CDH22: variants seen among roughly 807,000 people sequenced by gnomAD.
CDH22 encodes the protein cadherin 22.
A neutral mutation model predicts 58.4 loss-of-function variants in CDH22; 30 were observed. The ratio of observed to expected loss-of-function variants is 0.51; its 90% CI spans 0.38 to 0.70. The LOEUF (loss-of-function observed/expected upper bound fraction) is 0.70, where lower values mean the gene tolerates loss of function less well. Among genes scored for constraint, CDH22 ranks in the 30% least tolerant of loss-of-function variants. CDH22 has a pLI of 0.00. For missense variants in CDH22, 1,014 were observed against 1,233.9 expected (o/e 0.82, Z 2.67); for synonymous variants, 513 against 558.2 (o/e 0.92, Z 1.14).
intron 8 of CDH22, 90 bp downstream of exon 8, chr20:46,199,333 T>C: frequency 6.8e-7 from 1 of 1,462,440 alleles, no homozygotes; most frequent in Non-Finnish European, 9.2e-7. Flanking sequence ...AGGGCTGCCT[T>C]GGCCCTGCCC....
At chr20:46,228,180 C>G (rs897131429) in intron 3 of CDH22, among the ~76,000 whole-genome samples, 3 of 150,124 alleles carry the variant, frequency 2.0e-5, no homozygotes, top group Admixed American at 2.0e-4. Flanking sequence ...TGGTAGGGGA[C>G]AGCCCAGAGG....
At chr20:46,199,604 A>C (rs2085939810) in intron 7 of CDH22, 45 bp from the exon 8 acceptor site, 2 of 1,597,056 alleles carry the variant, frequency 1.3e-6, no homozygotes, top group Non-Finnish European at 1.7e-6. Flanking sequence ...CCCAGTGCCA[A>C]ATGGAGCCCA....
chr20:46,186,770 G>A, intron 9 of CDH22, 56 bp downstream of exon 9: 1 of 1,598,998 alleles, frequency 6.3e-7, no homozygotes. Flanking sequence ...TCGAGGTAGA[G>A]GATGCTGCTG....
At chr20:46,280,627 G>C (rs2086546598) in intron 1 of CDH22, among the ~76,000 whole-genome samples, 1 of 152,192 alleles carries the variant, frequency 6.6e-6, no homozygotes, top group South Asian at 2.1e-4. Flanking sequence ...CTCACTCACT[G>C]TTCCCTGGGA....
chr20:46,265,214 G>A (rs191069064), intron 1 of CDH22, among the ~76,000 whole-genome samples: 375 of 152,238 alleles, frequency 2.5e-3, no homozygotes, highest in Non-Finnish European at 3.3e-3. Flanking sequence ...TTACAAACGC[G>A]TCCGGATGGG....
rs1233578751 is a variant in CDH22, at chr20:46,223,665, C to CTTT, written c.670+3842_670+3843insAAA. Among the ~76,000 whole-genome samples, 473 of 118,858 alleles carry CTTT rather than the reference C, an allele frequency of 4.0e-3. 5 individuals carry two copies. Among genetic ancestry groups the CTTT allele is most frequent in the Admixed American group, 0.01 (120 of 11,476 alleles). 78.0% of individuals were successfully genotyped at this position (118,858 alleles called of 152,430 possible). On this transcript the variant is annotated intron_variant, in intron 4 of 11. Coordinates refer to ENST00000537909, the MANE Select transcript of CDH22 (RefSeq NM_021248.3). ...TCTTTCTTTCTCTTTCTTTTTCTTT[C>CTTT]CTTCTTTCTTTCTTTCTTTCTTTCT... is the stretch of plus-strand genomic sequence containing the variant.
intron 3 of CDH22, among the ~76,000 whole-genome samples, chr20:46,229,806 T>C (rs1283706720): frequency 6.6e-6 from 1 of 151,970 alleles, no homozygotes; most frequent in African/African-American, 2.4e-5. Flanking sequence ...TAGTGGCTGT[T>C]GTAATTGTTA....
rs540263086 is a variant in CDH22 at position 46,289,974 on chromosome 20, T to C, written c.-400+18281A>G. 2.0e-5 allele frequency among the ~76,000 whole-genome samples: 3 copies of C among 152,300 alleles called. No individual in the cohort carries two copies. In the East Asian group the frequency reaches 5.8e-4, roughly 29 times the overall value. ...TTTAGAACAGGCCAAGAGTTTAGGG[T>C]TAGGGTCTGAATTAAGGTTTGGAGT... is the stretch of plus-strand genomic sequence containing the variant. On this transcript the variant is annotated intron_variant, in intron 1 of 11. Coordinates refer to ENST00000537909, the MANE Select transcript of CDH22 (RefSeq NM_021248.3).
At chr20:46,204,825 T>C (rs529566100) in intron 7 of CDH22, among the ~76,000 whole-genome samples, 1 of 152,246 alleles carries the variant, frequency 6.6e-6, no homozygotes, top group South Asian at 2.1e-4. Flanking sequence ...GGGTGCTGCT[T>C]CCTGGCTGGG....
At chr20:46,291,000 G>A (rs183705337) in intron 1 of CDH22, among the ~76,000 whole-genome samples, 26 of 152,268 alleles carry the variant, frequency 1.7e-4, no homozygotes, top group African/African-American at 6.3e-4. Context: ...ACAGCTGGCT[G>A]GGCATGGTGG....
chr20:46,299,380 C>A (rs2086641494), intron 1 of CDH22, among the ~76,000 whole-genome samples: 1 of 152,250 alleles, frequency 6.6e-6, no homozygotes, highest in East Asian at 1.9e-4. Context: ...AAGCGCATCA[C>A]TTCCTCAAGA....
chr20:46,257,442 A>G (rs890798940), intron 1 of CDH22, among the ~76,000 whole-genome samples: 2 of 152,202 alleles, frequency 1.3e-5, no homozygotes, highest in Non-Finnish European at 2.9e-5. Context: ...GAGATGCTGA[A>G]AAGTGAGGCT....
intron 10 of CDH22, among the ~76,000 whole-genome samples, chr20:46,182,168 CTT>C (rs1408359285): frequency 6.6e-6 from 1 of 152,104 alleles, no homozygotes; most frequent in Non-Finnish European, 1.5e-5. Flanking sequence ...GATTGGTGGG[CTT>C]TAAGCAAAGA....
rs573486645 is a variant in CDH22, at chr20:46,287,813, C to G, written c.-400+20442G>C. Among the ~76,000 whole-genome samples the G allele has an allele frequency of 3.9e-4, 59 of 152,232 alleles. 2 individuals carry two copies. Among genetic ancestry groups the G allele is most frequent in the Admixed American group, 3.6e-3 (55 of 15,300 alleles). ...TGAAGCAGACTGGCCCCCGCCCCTT[C>G]ACCTGCTGGGGTCCCCCATCAGGTG... On this transcript the variant is annotated intron_variant, in intron 1 of 11. Transcript: ENST00000537909.
chr20:46,175,790 A>T (rs920673791), intron 11 of CDH22, among the ~76,000 whole-genome samples: 1 of 152,136 alleles, frequency 6.6e-6, no homozygotes, highest in Non-Finnish European at 1.5e-5. Context: ...TTTTAACAAG[A>T]CCTGCAGACC....
chr20:46,185,084 T>TCACACAAA (rs2085814796), intron 10 of CDH22, among the ~76,000 whole-genome samples: 1 of 149,134 alleles, frequency 6.7e-6, no homozygotes, highest in Non-Finnish European at 1.5e-5. Flanking sequence ...AGATGCTGTC[T>TCACACAAA]CAAACAAACA....
intron 8 of CDH22, among the ~76,000 whole-genome samples, chr20:46,195,156 C>T (rs2085889958): frequency 6.6e-6 from 1 of 152,240 alleles, no homozygotes; most frequent in Non-Finnish European, 1.5e-5. Context: ...GCCCACCCAA[C>T]TGGGAACCAT....
chr20:46,294,901 G>A (rs2086621773), intron 1 of CDH22, among the ~76,000 whole-genome samples: 1 of 152,220 alleles, frequency 6.6e-6, no homozygotes, highest in Non-Finnish European at 1.5e-5. Context: ...GCACAGGCCT[G>A]GCACCCGGCA....
At chr20:46,259,771 C>T (rs972913062) in intron 1 of CDH22, among the ~76,000 whole-genome samples, 8 of 151,746 alleles carry the variant, frequency 5.3e-5, no homozygotes, top group Non-Finnish European at 1.2e-4. Context: ...AAACCTAGGA[C>T]ATGAATGGGA....
Sources: allele counts gnomAD v4.1 joint callset (sites outside exome capture counted in the v4.1 genomes callset), GRCh38; gene constraint gnomAD v4.1.1; transcripts MANE v1.5; gene names NCBI Gene and HGNC (gene_info 2026-07-23, HGNC 2026-07-21).